Variants in ST7L observed in about 807,000 individuals in gnomAD.
ST7L encodes suppressor of tumorigenicity 7 protein-like.
ST7L carries 57 observed loss-of-function variants against 72.5 expected under a neutral mutation model. The observed-to-expected ratio is 0.79, with a 90% CI of 0.64 to 0.98. The LOEUF is 0.98. ST7L is among the 50% of genes least tolerant of loss of function. ST7L has a pLI of 0.00. For missense variants in ST7L, 576 were observed against 672.2 expected, an observed-to-expected ratio of 0.86 and a Z score of 1.58; for synonymous variants, 221 against 240.9, an observed-to-expected ratio of 0.92 and a Z score of 0.77.
At position 112,555,294 on chromosome 1, in the gene ST7L, G is replaced by A. The variant is rs187220425; in HGVS notation, c.1396+574C>T. ...AAAAGTTGTAAGTCAGGCCAGGTGC[G>A]GTGGCTCATGCCCGTAATCCCAGCA... On this transcript the variant is annotated intron_variant, in intron 12 of 14. Transcript: ENST00000358039. 5.3e-5 allele frequency among the ~76,000 whole-genome samples: 8 copies of A among 152,244 alleles called. No homozygotes were observed. In the South Asian group the frequency reaches 6.2e-4, roughly 12 times the overall value.
At chr1:112,590,631 A>G (rs1665552020) in intron 6 of ST7L, among the ~76,000 whole-genome samples, 1 of 152,144 alleles carries the variant, frequency 6.6e-6, no homozygotes, top group Non-Finnish European at 1.5e-5. Flanking sequence ...CACTCTTGGT[A>G]TTTATTTAGT....
intron 8 of ST7L, 36 bp downstream of exon 8, chr1:112,582,339 G>A (rs1664251587): frequency 6.9e-7 from 1 of 1,446,088 alleles, no homozygotes; most frequent in Admixed American, 1.8e-5. Context: ...GTTTCTGGAG[G>A]AATAAATGTA....
intron 14 of ST7L, chr1:112,527,378 T>G (rs537986647): frequency 6.5e-6 from 1 of 152,812 alleles, no homozygotes; most frequent in East Asian, 1.9e-4. Flanking sequence ...CTCTCACTGT[T>G]CTCCCTGCTT....
At chr1:112,551,831 A>T (rs1174084536) in intron 12 of ST7L, among the ~76,000 whole-genome samples, 1 of 152,204 alleles carries the variant, frequency 6.6e-6, no homozygotes, top group Non-Finnish European at 1.5e-5. Context: ...AATAAAACCA[A>T]TTTTACCATA....
At chr1:112,600,488 T>C (rs1406379841) in intron 4 of ST7L, among the ~76,000 whole-genome samples, 1 of 151,932 alleles carries the variant, frequency 6.6e-6, no homozygotes, top group East Asian at 1.9e-4. Flanking sequence ...CCCAGCTACT[T>C]GGGAGGCTGA....
At chr1:112,574,715 A>G (rs1233556813) in intron 11 of ST7L, among the ~76,000 whole-genome samples, 2 of 152,202 alleles carry the variant, frequency 1.3e-5, no homozygotes, top group African/African-American at 4.8e-5. Context: ...ACATAAAGGG[A>G]GGAAATAAAC....
chr1:112,551,216 T>C (rs1231314068), intron 12 of ST7L, among the ~76,000 whole-genome samples: 1 of 147,410 alleles, frequency 6.8e-6, no homozygotes, highest in African/African-American at 2.5e-5. Context: ...TGGCGTGATC[T>C]TGGCTCACTA....
At chr1:112,520,039 A>G (rs561151251), downstream of ST7L, among the ~76,000 whole-genome samples, 2 of 151,076 alleles carry the variant, frequency 1.3e-5, no homozygotes, top group African/African-American at 4.8e-5. Context: ...CACCTGGCTA[A>G]TTTTTTAAGT....
At chr1:112,605,745 C>A (rs1668144911) in intron 3 of ST7L, among the ~76,000 whole-genome samples, 1 of 152,082 alleles carries the variant, frequency 6.6e-6, no homozygotes, top group Non-Finnish European at 1.5e-5. Flanking sequence ...ACTCTGCCCT[C>A]CAGGCCTACT....
chr1:112,574,212 C>T (rs554384024), intron 11 of ST7L, among the ~76,000 whole-genome samples: 22 of 145,018 alleles, frequency 1.5e-4, no homozygotes, highest in Admixed American at 1.0e-3. Context: ...CCACTGCGCC[C>T]GGACTTTTTT....
intron 11 of ST7L, among the ~76,000 whole-genome samples, chr1:112,557,730 A>G (rs1659434410): frequency 6.6e-6 from 1 of 152,172 alleles, no homozygotes; most frequent in Admixed American, 6.6e-5. Context: ...AATGTGGATG[A>G]GTGGACTGGG....
At chr1:112,518,378 A>G in the ST7L span, 1 of 152,234 alleles carries the variant, frequency 6.6e-6, no homozygotes, top group African/African-American at 2.4e-5. Context: ...AACCTCAGCT[A>G]TCTTCGGTAC....
At chr1:112,554,453 G>T (rs967195734) in intron 12 of ST7L, among the ~76,000 whole-genome samples, 2 of 152,056 alleles carry the variant, frequency 1.3e-5, no homozygotes, top group African/African-American at 4.8e-5. Context: ...TTTACATAAA[G>T]AAAAATCCCA....
At chr1:112,520,197 C>G, downstream of ST7L, 1 of 1,372,300 alleles carries the variant, frequency 7.3e-7, no homozygotes, top group Non-Finnish European at 1.0e-6. Context: ...TTCTTTTTAT[C>G]TTCCTTCTGA....
At position 112,617,713 on chromosome 1, in the gene ST7L, TCTCTCACA is replaced by T. The variant is rs1392310777; in HGVS notation, c.206-826_206-819del. ...AAGGGAGACTCTGTCTGTCTTTCTCTCTCTCACACACACACACACACACACACACACAC... is the reference window on the plus strand; with the variant it reads ...AAGGGAGACTCTGTCTGTCTTTCTCTCACACACACACACACACACACACAC... On this transcript the variant is annotated intron_variant, in intron 1 of 14. Transcript: ENST00000358039. Among the ~76,000 whole-genome samples, 357 of 93,444 alleles carry T rather than the reference TCTCTCACA, an allele frequency of 3.8e-3. 2 individuals carry two copies. Among genetic ancestry groups the T allele is most frequent in the African/African-American group, 0.013 (319 of 25,492 alleles). The allele number at this position is 93,444 out of a possible 152,430, so 61.3% of individuals were successfully genotyped here. A position where few individuals can be genotyped will look rare whatever the true frequency, so the allele number is the denominator to read the frequency against.
intron 1 of ST7L, 21 bp downstream of exon 1, chr1:112,618,888 C>G (rs1670386390): frequency 6.4e-7 from 1 of 1,552,096 alleles, no homozygotes; most frequent in African/African-American, 1.4e-5. Flanking sequence ...CGCCCTGCCC[C>G]AGGAGGTCTG....
chr1:112,534,735 G>C (rs1225097906), intron 14 of ST7L, among the ~76,000 whole-genome samples: 1 of 152,120 alleles, frequency 6.6e-6, no homozygotes, highest in East Asian at 1.9e-4. Context: ...GTTTCCTATT[G>C]TGAATTATAA....
chr1:112,540,738 A>G, intron 14 of ST7L: 1 of 1,239,976 alleles, frequency 8.1e-7, no homozygotes, highest in South Asian at 1.4e-5. Context: ...GAAACAAGTT[A>G]GAATGGAGGC....
Position 112,619,037 on chromosome 1 carries a change from G to T in ST7L, c.77C>A (p.Thr26Lys), listed in dbSNP as rs752094479. 2.0e-5 allele frequency: 33 copies of T among 1,613,886 alleles called. No homozygotes were observed. Among genetic ancestry groups the T allele is most frequent in the African/African-American group, 2.7e-5 (2 of 74,934 alleles). ...CCGCAGTCGCTCCCTCCAGCCTAGC[G>T]TCGGGTTTAGGCCAGGGACAGATGC... ...SPASVPGLNP[T>K]LGWRERLRAG... The change falls in exon 1 of 15, where the codon ACG becomes AAG. Residue 26 changes from threonine to lysine, a missense_variant. Around this residue, in one of 3 missense-constraint regions of ST7L, gnomAD observed 56 missense variants for 45.8 expected, o/e 1.22. Coordinates refer to ENST00000358039, the MANE Select transcript of ST7L (RefSeq NM_017744.5).
Sources: gnomAD v4.1 joint callset for allele counts (sites outside exome capture counted in the v4.1 genomes callset) on GRCh38, gnomAD v4.1.1 for gene constraint, gnomAD v4.1.1 regional missense constraint, MANE v1.5 for transcripts, NCBI Gene and HGNC (gene_info 2026-07-23, HGNC 2026-07-21) for gene names.